PRR5: variants seen among roughly 807,000 people sequenced by gnomAD.
PRR5 encodes the protein proline-rich protein 5.
Under a neutral mutation model 30.6 loss-of-function variants are expected in PRR5, and 25 were observed. That is an observed-to-expected ratio of 0.82 (90% CI 0.60 to 1.14). The LOEUF is 1.14. Among genes scored for constraint, PRR5 ranks in the 50% most tolerant of loss-of-function variants. The probability of loss-of-function intolerance (pLI) is 0.00; values close to 1 mark genes in which losing one functional copy is unlikely to be tolerated. For synonymous variants in PRR5, 286 were observed against 247.1 expected (o/e 1.16, Z -1.48); for missense variants, 600 against 547.1 (o/e 1.10, Z -0.96).
At chr22:44,726,477 T>A in intron 3 of PRR5, 100 bp from the exon 4 acceptor site, 1 of 1,564,728 alleles carries the variant, frequency 6.4e-7, no homozygotes, top group South Asian at 1.1e-5. Context: ...CCTTTAAGCC[T>A]TGGCTGCTCA....
intron 1 of PRR5, 79 bp downstream of exon 1, chr22:44,702,687 C>T: frequency 8.1e-7 from 1 of 1,230,112 alleles, no homozygotes; most frequent in Non-Finnish European, 1.0e-6. Flanking sequence ...GGGCTAGGGG[C>T]CGCCCCGAGC....
chr22:44,700,090 G>A (rs1261829693), upstream of PRR5, among the ~76,000 whole-genome samples: 1 of 152,090 alleles, frequency 6.6e-6, no homozygotes, highest in African/African-American at 2.4e-5. Flanking sequence ...CCAAAAGTGG[G>A]AGGACTCCTT....
chr22:44,671,870 C>T (rs1244195551), intron 1 of PRR5, among the ~76,000 whole-genome samples: 4 of 152,202 alleles, frequency 2.6e-5, no homozygotes, highest in Non-Finnish European at 5.9e-5. Context: ...AGTTAAGCAA[C>T]TTCATGTCAG....
chr22:44,729,709 G>A (rs1055242710), intron 4 of PRR5: 5 of 985,370 alleles, frequency 5.1e-6, no homozygotes, highest in South Asian at 4.7e-5. Flanking sequence ...CAACAGCCGC[G>A]AGGCTGCCCT....
chr22:44,699,268 G>A (rs1158006282), upstream of PRR5, among the ~76,000 whole-genome samples: 2 of 152,150 alleles, frequency 1.3e-5, no homozygotes, highest in Non-Finnish European at 2.9e-5. Context: ...ATCCCAAGCA[G>A]TCAGGCCTCC....
At chr22:44,699,534 A>G (rs1292006636), upstream of PRR5, among the ~76,000 whole-genome samples, 5 of 152,330 alleles carry the variant, frequency 3.3e-5, no homozygotes, top group Middle Eastern at 3.4e-3. Context: ...GTGGGGTCCA[A>G]TGTAATCCCT....
At position 44,735,177 on chromosome 22, in the gene PRR5, G is replaced by A; in HGVS notation, c.691+15G>A. The A allele has an allele frequency of 6.2e-7, 1 of 1,609,754 alleles. No homozygotes were observed. The highest frequency in any genetic ancestry group is 1.1e-5 in the South Asian group (1 of 90,586). Reference sequence around the variant, plus strand: ...CTGCATCCTGGGTAGGGGTCCGCCTGGGCCTTGGGCTGGGGCAGGGGTGAC... The same window carrying A: ...CTGCATCCTGGGTAGGGGTCCGCCTAGGCCTTGGGCTGGGGCAGGGGTGAC... On this transcript the variant is annotated intron_variant, in intron 7 of 7. Transcript: ENST00000336985.
At chr22:44,733,038 A>G (rs1224823974) in intron 6 of PRR5, among the ~76,000 whole-genome samples, 6 of 152,054 alleles carry the variant, frequency 3.9e-5, no homozygotes, top group Non-Finnish European at 8.8e-5. Context: ...CACACTACAC[A>G]CATACTTGCA....
chr22:44,679,131 C>T lies in PRR5; in HGVS notation c.-11+1891C>T, dbSNP rs756338002. On this transcript the variant is annotated intron_variant, in intron 1 of 8. Coordinates refer to the PRR5 transcript ENST00000006251. ...CCACTCTCCTAGGCCTCAGGAGATA[C>T]GTGCGGCCACCCCAGGTCCATTCTG... 2.0e-5 allele frequency among the ~76,000 whole-genome samples: 3 copies of T among 152,256 alleles called. No individual in the cohort carries two copies. In the South Asian group the frequency reaches 6.2e-4, roughly 32 times the overall value.
intron 1 of PRR5, among the ~76,000 whole-genome samples, chr22:44,678,399 T>G (rs1401002101): frequency 6.7e-6 from 1 of 148,660 alleles, no homozygotes; most frequent in African/African-American, 2.5e-5. Context: ...CTCGGCTCAC[T>G]GCAGCCTCTG....
rs1923313448 is a variant in PRR5, at chr22:44,736,653, G to A, written c.692-119G>A. On this transcript the variant is annotated intron_variant, in intron 7 of 7. Coordinates refer to ENST00000336985, the MANE Select transcript of PRR5 (RefSeq NM_181333.4). ...TGGGACCTGCTGAGCCGGGCCCCGG[G>A]TCGGGCCTTCCCTGCAGCTGCCCCT... 6 of 1,453,454 alleles carry A rather than the reference G, an allele frequency of 4.1e-6. No individual in the cohort carries two copies. The South Asian group carries it at 4.6e-5, about 11-fold the overall frequency. 90.0% of individuals were successfully genotyped at this position (1,453,454 alleles called of 1,614,324 possible). A position where few individuals can be genotyped will look rare whatever the true frequency, so the allele number is the denominator to read the frequency against.
Sources: allele counts gnomAD v4.1 joint callset (sites outside exome capture counted in the v4.1 genomes callset), GRCh38; gene constraint gnomAD v4.1.1; transcripts MANE v1.5; gene names NCBI Gene and HGNC (gene_info 2026-07-23, HGNC 2026-07-21).